TNR: variants seen among roughly 807,000 people sequenced by gnomAD.
TNR encodes tenascin R, also known as tenascin-R.
A neutral mutation model predicts 150.4 loss-of-function variants in TNR; 45 were observed. That is an observed-to-expected ratio of 0.30 (90% CI 0.24 to 0.38). The LOEUF is 0.38. Ranked by LOEUF, TNR falls within the 10% of genes least tolerant of loss-of-function variation. The probability of loss-of-function intolerance (pLI) is 1.00; values close to 1 mark genes in which losing one functional copy is unlikely to be tolerated. For synonymous variants in TNR, 687 were observed against 678.4 expected (o/e 1.01, Z -0.20); for missense variants, 1,544 against 1,759.1 (o/e 0.88, Z 2.19).
At chr1:175,409,586 A>G (rs1250078070) in intron 2 of TNR, among the ~76,000 whole-genome samples, 1 of 152,188 alleles carries the variant, frequency 6.6e-6, no homozygotes, top group Non-Finnish European at 1.5e-5. Context: ...TGTAGGTTTT[A>G]TTAATTAAAA....
intron 2 of TNR, among the ~76,000 whole-genome samples, chr1:175,465,394 C>G (rs1457213997): frequency 1.3e-5 from 2 of 152,192 alleles, no homozygotes; most frequent in African/African-American, 2.4e-5. Context: ...GTTGATGGCA[C>G]AGAATGAGAC....
At position 175,723,629 on chromosome 1, in the gene TNR, T is replaced by C. The variant is rs542259245; in HGVS notation, c.-165+19597A>G. Among the ~76,000 whole-genome samples, 3 of 152,334 alleles carry C rather than the reference T, an allele frequency of 2.0e-5. No homozygotes were observed. In the South Asian group the frequency reaches 6.2e-4, roughly 32 times the overall value. The stretch of plus-strand genomic sequence containing the variant: ...GCTCATGCCTGTAATCTCAACAATT[T>C]GGGAGGCCGAAGCGAGTGGACCACT... On this transcript the variant is annotated intron_variant, in intron 1 of 22. Transcript: ENST00000367674.
At chr1:175,611,081 C>T (rs1420677005) in intron 1 of TNR, among the ~76,000 whole-genome samples, 1 of 152,154 alleles carries the variant, frequency 6.6e-6, no homozygotes, top group Non-Finnish European at 1.5e-5. Context: ...TCTTTCCTCC[C>T]CCTTGCCCTT....
intron 2 of TNR, among the ~76,000 whole-genome samples, chr1:175,439,391 C>T (rs1176070039): frequency 1.3e-5 from 2 of 152,006 alleles, no homozygotes; most frequent in Non-Finnish European, 2.9e-5. Context: ...GGATTAAAGA[C>T]TTAAATGTTA....
chr1:175,675,459 T>A (rs1376517142), intron 1 of TNR, among the ~76,000 whole-genome samples: 3 of 152,126 alleles, frequency 2.0e-5, no homozygotes, highest in African/African-American at 7.2e-5. Flanking sequence ...GCACACACAA[T>A]CGCATTGTGT....
chr1:175,482,861 T>C (rs1023646914), intron 2 of TNR, among the ~76,000 whole-genome samples: 5 of 152,330 alleles, frequency 3.3e-5, no homozygotes, highest in African/African-American at 1.2e-4. Flanking sequence ...CTGGGCTTTG[T>C]CTGTGCACTA....
intron 1 of TNR, among the ~76,000 whole-genome samples, chr1:175,629,701 A>C (rs1664265352): frequency 6.6e-6 from 1 of 152,138 alleles, no homozygotes; most frequent in Admixed American, 6.5e-5. Context: ...CCATGGTCAA[A>C]GTGGAGATTT....
chr1:175,470,033 A>G (rs1198790724), intron 2 of TNR, among the ~76,000 whole-genome samples: 1 of 152,152 alleles, frequency 6.6e-6, no homozygotes, highest in African/African-American at 2.4e-5. Flanking sequence ...GGAGATTTCT[A>G]ACTGGCATGG....
intron 1 of TNR, among the ~76,000 whole-genome samples, chr1:175,644,308 G>A (rs1447606878): frequency 1.3e-5 from 2 of 152,176 alleles, no homozygotes; most frequent in Non-Finnish European, 2.9e-5. Flanking sequence ...TCTAATCAGT[G>A]TCACCTTCTC....
intron 1 of TNR, among the ~76,000 whole-genome samples, chr1:175,594,625 C>T (rs956996477): frequency 3.3e-5 from 5 of 152,056 alleles, no homozygotes; most frequent in Non-Finnish European, 7.4e-5. Context: ...GAGACTGAAG[C>T]GGGCCAATGT....
At chr1:175,423,895 G>C (rs1466091404) in intron 2 of TNR, among the ~76,000 whole-genome samples, 1 of 152,200 alleles carries the variant, frequency 6.6e-6, no homozygotes. Flanking sequence ...TGAATCCCAC[G>C]AGTTCCAGGG....
chr1:175,679,140 C>G (rs1452815565), intron 1 of TNR, among the ~76,000 whole-genome samples: 1 of 152,240 alleles, frequency 6.6e-6, no homozygotes, highest in Non-Finnish European at 1.5e-5. Context: ...AAAGTTTACC[C>G]TTAGGGGTCA....
chr1:175,690,306 A>T (rs1666322532), intron 1 of TNR, among the ~76,000 whole-genome samples: 1 of 152,218 alleles, frequency 6.6e-6, no homozygotes, highest in African/African-American at 2.4e-5. Flanking sequence ...GGACATCATA[A>T]GAGAATCAAC....
rs1407304074 is a variant in TNR at position 175,351,174 on chromosome 1, A to G, written c.3382+3217T>C. 2.6e-5 allele frequency among the ~76,000 whole-genome samples: 4 copies of G among 152,262 alleles called. No homozygotes were observed. In the East Asian group the frequency reaches 5.8e-4, roughly 22 times the overall value. ...CAGTCTTGCATATAAGTGAAGATAC[A>G]CTGCTCTTCAATTTTGCTTTTCCTT... On this transcript the variant is annotated intron_variant, in intron 18 of 22. Coordinates refer to ENST00000367674, the MANE Select transcript of TNR (RefSeq NM_003285.3).
At chr1:175,660,389 C>A (rs73033385) in intron 1 of TNR, among the ~76,000 whole-genome samples, 1,778 of 152,258 alleles carry the variant, frequency 0.012, 21 homozygotes, top group Non-Finnish European at 0.019. Context: ...CTGGGCCCTG[C>A]GAGAAGGTCA....
At chr1:175,480,466 AAAAG>A (rs946294490) in intron 2 of TNR, among the ~76,000 whole-genome samples, 1 of 137,372 alleles carries the variant, frequency 7.3e-6, no homozygotes, top group African/African-American at 2.8e-5. Context: ...AGAAAAGAAA[AAAAG>A]AAAAGAAAAG....
At chr1:175,623,961 T>C (rs1253281346) in intron 1 of TNR, among the ~76,000 whole-genome samples, 4 of 152,224 alleles carry the variant, frequency 2.6e-5, no homozygotes, top group Non-Finnish European at 4.4e-5. Flanking sequence ...TCTTATTTTT[T>C]CTAAGAATGC....
In TNR at chr1:175,417,642, T is replaced by A. The variant is rs77460345; in HGVS notation, c.-63-10865A>T. Among the ~76,000 whole-genome samples, 248 of 149,544 alleles carry A rather than the reference T, an allele frequency of 1.7e-3. 1 individual carries two copies. The highest frequency in any genetic ancestry group is 5.8e-3 in the African/African-American group (238 of 40,768). ...GTAAATGTAGGAACTGATTGCTTGC[T>A]TTTTTTTTTCTTAGAACATTGAAAC... On this transcript the variant is annotated intron_variant, in intron 2 of 22. Coordinates refer to ENST00000367674, the MANE Select transcript of TNR (RefSeq NM_003285.3).
In TNR at chr1:175,652,889, C is replaced by T. The variant is rs527481292; in HGVS notation, c.-165+90337G>A. Among the ~76,000 whole-genome samples the T allele has an allele frequency of 7.6e-4, 115 of 152,252 alleles. 1 individual carries two copies. Among genetic ancestry groups the T allele is most frequent in the African/African-American group, 2.6e-3 (108 of 41,546 alleles). ...GAGAAAAAGCTGTGAGTAGAAAATTCACAGCAAGGGAAAGCAAATTGGCTA... is the reference window on the plus strand; with the variant it reads ...GAGAAAAAGCTGTGAGTAGAAAATTTACAGCAAGGGAAAGCAAATTGGCTA... On this transcript the variant is annotated intron_variant, in intron 1 of 22. Coordinates refer to ENST00000367674, the MANE Select transcript of TNR (RefSeq NM_003285.3).
Sources: gnomAD v4.1 joint callset for allele counts (sites outside exome capture counted in the v4.1 genomes callset) on GRCh38, gnomAD v4.1.1 for gene constraint, MANE v1.5 for transcripts, NCBI Gene and HGNC (gene_info 2026-07-23, HGNC 2026-07-21) for gene names.